The following TMEM135 variants were observed in gnomAD, a reference collection of about 807,000 sequenced individuals.
TMEM135 encodes peroxisomal membrane protein 52.
A neutral mutation model predicts 60.3 loss-of-function variants in TMEM135; 30 were observed. The ratio of observed to expected loss-of-function variants is 0.50; its 90% CI spans 0.37 to 0.68. The LOEUF is 0.68. Ranked by LOEUF, TMEM135 falls within the 30% of genes least tolerant of loss-of-function variation. The probability of loss-of-function intolerance (pLI) is 0.00; values close to 1 mark genes in which losing one functional copy is unlikely to be tolerated. For missense variants in TMEM135, 468 were observed against 548.8 expected (o/e 0.85, Z 1.47); for synonymous variants, 190 against 186.7 (o/e 1.02, Z -0.14).
intron 5 of TMEM135, among the ~76,000 whole-genome samples, chr11:87,189,418 C>T (rs1294913284): frequency 1.3e-5 from 2 of 152,096 alleles, no homozygotes; most frequent in African/African-American, 4.8e-5. Flanking sequence ...GCCTCAGGCT[C>T]CCAGATTGTT....
chr11:87,263,379 A>G (rs1020460966), intron 6 of TMEM135, among the ~76,000 whole-genome samples: 10 of 152,142 alleles, frequency 6.6e-5, no homozygotes, highest in African/African-American at 2.2e-4. Context: ...CCTCTTCTCC[A>G]TTCCTTTAGA....
At chr11:87,157,561 T>A in intron 5 of TMEM135, 155 bp downstream of exon 5, 1 of 623,884 alleles carries the variant, frequency 1.6e-6, no homozygotes, top group Non-Finnish European at 2.8e-6. Context: ...AAATCCATTT[T>A]AATTCATAGT....
At chr11:87,195,903 A>G (rs770139315) in intron 5 of TMEM135, among the ~76,000 whole-genome samples, 25 of 152,208 alleles carry the variant, frequency 1.6e-4, no homozygotes, top group Non-Finnish European at 3.2e-4. Flanking sequence ...AGTATGTAGT[A>G]TCTGTTCGAG....
At chr11:87,284,222 A>G (rs563267643) in intron 6 of TMEM135, among the ~76,000 whole-genome samples, 7 of 152,308 alleles carry the variant, frequency 4.6e-5, no homozygotes, top group African/African-American at 1.2e-4. Flanking sequence ...TGAAACCACA[A>G]TCTGCTCCTT....
chr11:87,294,170 T>C (rs11235082), intron 6 of TMEM135, among the ~76,000 whole-genome samples: 6,001 of 152,304 alleles, frequency 0.039, 412 homozygotes, highest in African/African-American at 0.14. Context: ...TTTTGAGAAG[T>C]GTCTGTTTTC....
chr11:87,215,414 A>G (rs138900998), intron 5 of TMEM135, among the ~76,000 whole-genome samples: 57 of 152,180 alleles, frequency 3.7e-4, no homozygotes, highest in African/African-American at 1.3e-3. Context: ...ATCTCTTGGG[A>G]TTAGTCATGC....
chr11:87,121,666 A>C (rs1366821634), intron 4 of TMEM135: 11 of 97,244 alleles, frequency 1.1e-4, no homozygotes, highest in African/African-American at 4.3e-4. Context: ...TTTGAGATGG[A>C]GTCTTACCCT....
Position 87,302,409 on chromosome 11 carries a change from T to C in TMEM135, c.665T>C (p.Met222Thr). 2.5e-6 allele frequency: 4 copies of C among 1,613,860 alleles called. No homozygotes were observed. The highest frequency in any genetic ancestry group is 3.4e-6 in the Non-Finnish European group (4 of 1,179,890). ...GAGGAAAAACCCGGAAGAATGAATATGATTGGTCTAGTCAGGAAATTTGTG... is the reference window on the plus strand; with the variant it reads ...GAGGAAAAACCCGGAAGAATGAATACGATTGGTCTAGTCAGGAAATTTGTG... ...QHEEKPGRMN[M>T]IGLVRKFVDS... The change falls in exon 8 of 15, where the codon ATG becomes ACG. Residue 222 changes from methionine to threonine, a missense_variant. Coordinates refer to ENST00000305494, the MANE Select transcript of TMEM135 (RefSeq NM_022918.4).
In TMEM135 at chr11:87,305,986, G is replaced by A; in HGVS notation, c.749G>A (p.Cys250Tyr). 1 of 1,600,872 alleles carries A rather than the reference G, an allele frequency of 6.2e-7. No individual in the cohort carries two copies. The highest frequency in any genetic ancestry group is 8.5e-7 in the Non-Finnish European group (1 of 1,172,386). ...TGTTGCAAACATTATGAAGATAATTGCATCTCTTATTGCATTAAAGTAAGT... is the reference window on the plus strand; with the variant it reads ...TGTTGCAAACATTATGAAGATAATTACATCTCTTATTGCATTAAAGTAAGT... ...HRCCKHYEDNCISYCIKGFIR... is the reference protein window; with the variant it reads ...HRCCKHYEDNYISYCIKGFIR... Residue 250 changes from cysteine (C) to tyrosine (Y), a missense_variant, in exon 9 of 15, where the codon TGC becomes TAC. Cys to Tyr is a radical substitution (Grantham distance 194). Coordinates refer to ENST00000305494, the MANE Select transcript of TMEM135 (RefSeq NM_022918.4).
At chr11:87,092,375 G>C (rs1226254377) in intron 4 of TMEM135, among the ~76,000 whole-genome samples, 1 of 152,122 alleles carries the variant, frequency 6.6e-6, no homozygotes, top group Non-Finnish European at 1.5e-5. Flanking sequence ...AACCCCTTTT[G>C]AGTCATAGAC....
chr11:87,063,858 G>A (rs1277132457), intron 1 of TMEM135, among the ~76,000 whole-genome samples: 4 of 152,152 alleles, frequency 2.6e-5, no homozygotes, highest in African/African-American at 9.7e-5. Context: ...GTACTTTACT[G>A]TTAATGGACA....
chr11:87,292,883 G>T (rs1377498534), intron 6 of TMEM135, among the ~76,000 whole-genome samples: 1 of 152,144 alleles, frequency 6.6e-6, no homozygotes, highest in East Asian at 1.9e-4. Flanking sequence ...ATATTTGAAA[G>T]CTACTTTTTG....
chr11:87,096,966 C>T (rs1857343979), intron 4 of TMEM135, among the ~76,000 whole-genome samples: 1 of 151,288 alleles, frequency 6.6e-6, no homozygotes, highest in South Asian at 2.1e-4. Context: ...GGTAAGTTGG[C>T]ACAGTAGACA....
chr11:87,274,783 A>C (rs1313096656), intron 6 of TMEM135, among the ~76,000 whole-genome samples: 2 of 105,672 alleles, frequency 1.9e-5, no homozygotes, highest in Non-Finnish European at 4.1e-5. Context: ...CAACATAGCA[A>C]GACTGTGTGT....
rs757864197 is a variant in TMEM135, at chr11:87,309,569, T to C, written c.833T>C (p.Phe278Ser). 7 of 1,613,788 alleles carry C rather than the reference T, an allele frequency of 4.3e-6. No homozygotes were observed. The highest frequency in any genetic ancestry group is 2.7e-5 in the African/African-American group (2 of 74,926). Residue 278 changes from phenylalanine to serine, a missense_variant, in exon 10 of 15, where the codon TTT becomes TCT. Coordinates refer to ENST00000305494, the MANE Select transcript of TMEM135 (RefSeq NM_022918.4). ...IQCCLRIPSAFRHLFTQPSRL... is the reference protein window; with the variant it reads ...IQCCLRIPSASRHLFTQPSRL... ...TGCTGCCTCCGAATCCCTTCTGCATTTAGGCATCTGTTTACACAGCCATCT... is the reference window on the plus strand; with the variant it reads ...TGCTGCCTCCGAATCCCTTCTGCATCTAGGCATCTGTTTACACAGCCATCT...
chr11:87,114,593 C>G (rs1035790174), intron 4 of TMEM135, among the ~76,000 whole-genome samples: 1 of 152,048 alleles, frequency 6.6e-6, no homozygotes, highest in Non-Finnish European at 1.5e-5. Flanking sequence ...CACTGATGTT[C>G]AATTATATGA....
chr11:87,078,923 G>A (rs956947291), intron 3 of TMEM135, among the ~76,000 whole-genome samples: 6 of 151,976 alleles, frequency 3.9e-5, no homozygotes, highest in South Asian at 4.2e-4. Flanking sequence ...TGCCCAGCCC[G>A]TTGTGTTTTT....
At chr11:87,162,197 T>C (rs1565467564) in intron 5 of TMEM135, among the ~76,000 whole-genome samples, 1 of 151,816 alleles carries the variant, frequency 6.6e-6, no homozygotes, top group African/African-American at 2.4e-5. Flanking sequence ...GTATATCTTT[T>C]ATTTTTTTTT....
rs193280855 is a variant in TMEM135 at position 87,274,968 on chromosome 11, G to A, written c.510-20814G>A. ...TAAGGAGTTCTAAGAGACATCTTTT[G>A]TATTTCTAGAGCAAATAAATTTTAA... is the stretch of plus-strand genomic sequence containing the variant. On this transcript the variant is annotated intron_variant, in intron 6 of 14. Coordinates refer to ENST00000305494, the MANE Select transcript of TMEM135 (RefSeq NM_022918.4). Among the ~76,000 whole-genome samples, 710 of 151,192 alleles carry A rather than the reference G, an allele frequency of 4.7e-3. 12 individuals carry two copies. Among genetic ancestry groups the A allele is most frequent in the African/African-American group, 0.016 (679 of 41,318 alleles).
Sources: allele counts gnomAD v4.1 joint callset (sites outside exome capture counted in the v4.1 genomes callset), GRCh38; gene constraint gnomAD v4.1.1; transcripts MANE v1.5; gene names NCBI Gene and HGNC (gene_info 2026-07-23, HGNC 2026-07-21).